PALS2: variants seen among roughly 807,000 people sequenced by gnomAD.
PALS2 encodes the protein protein PALS2.
PALS2 carries 27 observed loss-of-function variants against 61.6 expected under a neutral mutation model. That is an observed-to-expected ratio of 0.44 (90% CI 0.32 to 0.60). The LOEUF is 0.60. PALS2 is among the 20% of genes least tolerant of loss of function. The probability of loss-of-function intolerance (pLI) is 0.05; values close to 1 mark genes in which losing one functional copy is unlikely to be tolerated. For synonymous variants in PALS2, 236 were observed against 218.6 expected (o/e 1.08, Z -0.70); for missense variants, 554 against 639.4 (o/e 0.87, Z 1.44).
At chr7:24,576,163 T>C (rs1782635687) in intron 1 of PALS2, among the ~76,000 whole-genome samples, 1 of 152,222 alleles carries the variant, frequency 6.6e-6, no homozygotes, top group South Asian at 2.1e-4. Context: ...TTTAGAAAAG[T>C]AGTCTTCACA....
intron 3 of PALS2, among the ~76,000 whole-genome samples, chr7:24,644,220 T>TAATA (rs1334993880): frequency 6.6e-6 from 1 of 151,936 alleles, no homozygotes; most frequent in Non-Finnish European, 1.5e-5. Flanking sequence ...TTAAGCCCAG[T>TAATA]ACCCAATAGT....
intron 5 of PALS2, among the ~76,000 whole-genome samples, chr7:24,659,302 A>G (rs1242393437): frequency 6.6e-6 from 1 of 152,212 alleles, no homozygotes; most frequent in African/African-American, 2.4e-5. Flanking sequence ...AAGTGCTATG[A>G]TGAACATATG....
intron 1 of PALS2, among the ~76,000 whole-genome samples, chr7:24,599,505 C>CT (rs1159029178): frequency 0.027 from 3,108 of 116,538 alleles, 154 homozygotes; most frequent in East Asian, 0.066. Context: ...CTTCTATAAG[C>CT]TTTTTTTTTT....
In PALS2 at chr7:24,691,145, G is replaced by T. The variant is rs1432667233; in HGVS notation, c.*3531G>T. ...TCAAGGTGGATAGCCATAGAGTTAG[G>T]TAAAATTATTTTGAATTGGCAAACT... On this transcript the variant is annotated 3_prime_UTR_variant, in exon 12 of 12. Transcript: ENST00000222644. 1 of 151,810 alleles carries T rather than the reference G, an allele frequency of 6.6e-6. No individual in the cohort carries two copies. Among genetic ancestry groups the T allele is most frequent in the African/African-American group, 2.4e-5 (1 of 41,370 alleles). 9.4% of individuals were successfully genotyped at this position (151,810 alleles called of 1,614,324 possible). A position where few individuals can be genotyped will look rare whatever the true frequency, so the allele number is the denominator to read the frequency against.
chr7:24,576,348 G>T (rs573755188), intron 1 of PALS2, among the ~76,000 whole-genome samples: 7 of 152,208 alleles, frequency 4.6e-5, no homozygotes, highest in African/African-American at 7.2e-5. Context: ...TCTGACCACT[G>T]GGGGGAGACT....
Position 24,690,593 on chromosome 7 carries a change from A to G in PALS2, c.*2979A>G, listed in dbSNP as rs964476661. ...TTTTCAAATGTACAAATACCCATAG[A>G]GGTGATGTGCCTGGATAAGTCATTT... On this transcript the variant is annotated 3_prime_UTR_variant, in exon 12 of 12. Transcript: ENST00000222644. 6.6e-6 allele frequency: 1 copy of G among 152,206 alleles called. No individual in the cohort carries two copies. Among genetic ancestry groups the G allele is most frequent in the African/African-American group, 2.4e-5 (1 of 41,456 alleles). 9.4% of individuals were successfully genotyped at this position (152,206 alleles called of 1,614,324 possible). A position where few individuals can be genotyped will look rare whatever the true frequency, so the allele number is the denominator to read the frequency against.
At chr7:24,671,526 A>G (rs955038037) in intron 9 of PALS2, among the ~76,000 whole-genome samples, 1 of 152,000 alleles carries the variant, frequency 6.6e-6, no homozygotes, top group Non-Finnish European at 1.5e-5. Flanking sequence ...AAAGTTTTTC[A>G]TTTTGATGAA....
chr7:24,574,478 C>T (rs887758513), intron 1 of PALS2, among the ~76,000 whole-genome samples: 1 of 151,612 alleles, frequency 6.6e-6, no homozygotes, highest in Admixed American at 6.6e-5. Flanking sequence ...GATTGCAGCT[C>T]GAGATTACAT....
At chr7:24,643,948 G>T (rs183909617) in intron 3 of PALS2, among the ~76,000 whole-genome samples, 32 of 152,198 alleles carry the variant, frequency 2.1e-4, no homozygotes, top group African/African-American at 7.7e-4. Context: ...ATTAAAGGTG[G>T]TGATGGCCTA....
chr7:24,621,668 T>A (rs1784526291), intron 1 of PALS2, among the ~76,000 whole-genome samples: 2 of 151,946 alleles, frequency 1.3e-5, no homozygotes, highest in South Asian at 4.1e-4. Flanking sequence ...GTAGGATAAG[T>A]TGGGAGAAGG....
intron 11 of PALS2, among the ~76,000 whole-genome samples, chr7:24,685,071 C>T (rs1217964163): frequency 6.6e-6 from 1 of 151,916 alleles, no homozygotes; most frequent in Non-Finnish European, 1.5e-5. Flanking sequence ...GTATTTAGCC[C>T]AACATCCATT....
intron 11 of PALS2, among the ~76,000 whole-genome samples, chr7:24,681,525 ATTTTT>A (rs780176633): frequency 5.1e-5 from 7 of 138,568 alleles, no homozygotes; most frequent in African/African-American, 1.3e-4. Context: ...TTTCTCCAAG[ATTTTT>A]TTTTTTTTTT....
At chr7:24,584,892 G>T (rs1214191715) in intron 1 of PALS2, among the ~76,000 whole-genome samples, 3 of 151,892 alleles carry the variant, frequency 2.0e-5, no homozygotes, top group Non-Finnish European at 4.4e-5. Flanking sequence ...GCTAGCCAGT[G>T]GTCCCAGCAC....
At chr7:24,590,623 T>G (rs1454310741) in intron 1 of PALS2, among the ~76,000 whole-genome samples, 1 of 152,132 alleles carries the variant, frequency 6.6e-6, no homozygotes, top group Non-Finnish European at 1.5e-5. Flanking sequence ...ATGTTTTTAT[T>G]AGACTACTCT....
At chr7:24,686,401 C>T (rs1010620165) in intron 11 of PALS2, among the ~76,000 whole-genome samples, 6 of 152,178 alleles carry the variant, frequency 3.9e-5, no homozygotes, top group Non-Finnish European at 7.4e-5. Context: ...CCCAACCCTT[C>T]ACCCATTCTG....
intron 2 of PALS2, among the ~76,000 whole-genome samples, chr7:24,640,268 A>G (rs1785455766): frequency 6.6e-6 from 1 of 151,956 alleles, no homozygotes; most frequent in Non-Finnish European, 1.5e-5. Context: ...TTTCTTTAAA[A>G]TCTTGCTTAA....
chr7:24,602,638 A>G lies in PALS2; in HGVS notation c.-2-21028A>G, dbSNP rs188809859. Among the ~76,000 whole-genome samples, 9 of 152,274 alleles carry G rather than the reference A, an allele frequency of 5.9e-5. No homozygotes were observed. In the East Asian group the frequency reaches 1.5e-3, roughly 26 times the overall value. ...TCAGCATTTAATAATCCTGTCTTCT[A>G]TATTATTTCATTGTCTTTGGTCGAG... On this transcript the variant is annotated intron_variant, in intron 1 of 11. Coordinates refer to ENST00000222644, the MANE Select transcript of PALS2 (RefSeq NM_001303037.2).
chr7:24,645,561 G>A (rs1385894274), intron 3 of PALS2, among the ~76,000 whole-genome samples: 1 of 152,086 alleles, frequency 6.6e-6, no homozygotes, highest in Non-Finnish European at 1.5e-5. Flanking sequence ...GATGCCCCCA[G>A]CTTTGTTCTT....
intron 6 of PALS2, among the ~76,000 whole-genome samples, chr7:24,665,021 T>G (rs978498493): frequency 6.6e-6 from 1 of 152,208 alleles, no homozygotes; most frequent in Non-Finnish European, 1.5e-5. Context: ...CAGCCAGTTC[T>G]CCAGCCACTA....
Sources: gnomAD v4.1 joint callset for allele counts (sites outside exome capture counted in the v4.1 genomes callset) on GRCh38, gnomAD v4.1.1 for gene constraint, MANE v1.5 for transcripts, NCBI Gene and HGNC (gene_info 2026-07-23, HGNC 2026-07-21) for gene names.